The following ATRNL1 variants were observed in gnomAD, a reference collection of about 807,000 sequenced individuals.
ATRNL1 encodes attractin-like protein 1.
A neutral mutation model predicts 182.7 loss-of-function variants in ATRNL1; 95 were observed. The observed-to-expected ratio is 0.52, with a 90% CI of 0.44 to 0.62. ATRNL1 has a LOEUF of 0.62. Among genes scored for constraint, ATRNL1 ranks in the 20% least tolerant of loss-of-function variants. The pLI is 0.00. For missense variants in ATRNL1, 1,471 were observed against 1,679.5 expected (o/e 0.88, Z 2.17); for synonymous variants, 576 against 568.3 (o/e 1.01, Z -0.19).
chr10:115,207,570 G>T, intron 8 of ATRNL1, among the ~76,000 whole-genome samples: 1 of 151,056 alleles, frequency 6.6e-6, no homozygotes, highest in African/African-American at 2.4e-5. Flanking sequence ...GGAAATTTTT[G>T]TTTCACTTTC....
intron 28 of ATRNL1, among the ~76,000 whole-genome samples, chr10:115,919,180 CAA>C (rs1555118098): frequency 6.6e-6 from 1 of 152,074 alleles, no homozygotes; most frequent in Non-Finnish European, 1.5e-5. Context: ...TGTGATTATG[CAA>C]AAGAGGTGTT....
chr10:115,791,013 G>A (rs886372895), intron 27 of ATRNL1, among the ~76,000 whole-genome samples: 8 of 152,240 alleles, frequency 5.3e-5, no homozygotes, highest in Admixed American at 3.3e-4. Flanking sequence ...TCCATCAGTG[G>A]TAATTAGAAT....
intron 20 of ATRNL1, among the ~76,000 whole-genome samples, chr10:115,425,802 A>T (rs1554962768): frequency 6.6e-6 from 1 of 152,056 alleles, no homozygotes; most frequent in Non-Finnish European, 1.5e-5. Context: ...AATTTTTTTA[A>T]CTGGTGTAGA....
chr10:115,203,486 A>G (rs1554892990), intron 8 of ATRNL1, among the ~76,000 whole-genome samples: 1 of 152,024 alleles, frequency 6.6e-6, no homozygotes, highest in East Asian at 1.9e-4. Flanking sequence ...TTCTTGGTAC[A>G]TGATAAAGTA....
rs535040618 is a variant in ATRNL1 at position 115,379,983 on chromosome 10, T to C, written c.3176-14676T>C. 4.6e-5 allele frequency among the ~76,000 whole-genome samples: 7 copies of C among 152,168 alleles called. No homozygotes were observed. In the East Asian group the frequency reaches 7.7e-4, roughly 17 times the overall value. On this transcript the variant is annotated intron_variant, in intron 19 of 28. Transcript: ENST00000355044. ...CTGGGACTACGGGTGCCCACCACCA[T>C]GCCCAGCTAATTTTGTTTTTGTATT...
intron 20 of ATRNL1, among the ~76,000 whole-genome samples, chr10:115,425,205 A>T (rs1845829188): frequency 6.6e-6 from 1 of 151,892 alleles, no homozygotes; most frequent in Non-Finnish European, 1.5e-5. Flanking sequence ...ATATATATGT[A>T]TTCTACTATT....
At chr10:115,598,072 A>G (rs1288952625) in intron 26 of ATRNL1, 1 of 154,594 alleles carries the variant, frequency 6.5e-6, no homozygotes, top group Non-Finnish European at 1.4e-5. Flanking sequence ...TAAGTTAACT[A>G]GAGGTGAATA....
chr10:115,842,831 T>C (rs370558155), intron 27 of ATRNL1, among the ~76,000 whole-genome samples: 55 of 152,140 alleles, frequency 3.6e-4, no homozygotes, highest in African/African-American at 1.3e-3. Flanking sequence ...GAATACAGTC[T>C]GACCGCTCTG....
chr10:115,354,055 G>A (rs1227095294), intron 19 of ATRNL1, among the ~76,000 whole-genome samples: 3 of 152,070 alleles, frequency 2.0e-5, no homozygotes, highest in African/African-American at 2.4e-5. Context: ...TGTCTAACCC[G>A]CAGCTTGTGG....
intron 26 of ATRNL1, among the ~76,000 whole-genome samples, chr10:115,587,682 T>G (rs7094578): frequency 6.6e-6 from 1 of 152,110 alleles, no homozygotes; most frequent in Non-Finnish European, 1.5e-5. Context: ...GAGATGAACC[T>G]GGTACCTCAG....
chr10:115,911,991 C>T (rs1286383045), intron 28 of ATRNL1, among the ~76,000 whole-genome samples: 3 of 152,162 alleles, frequency 2.0e-5, no homozygotes, highest in Non-Finnish European at 4.4e-5. Context: ...CACCACTACA[C>T]CATGCGCTAA....
intron 26 of ATRNL1, among the ~76,000 whole-genome samples, chr10:115,635,675 A>G (rs1000884389): frequency 1.3e-5 from 2 of 152,180 alleles, no homozygotes; most frequent in Non-Finnish European, 1.5e-5. Flanking sequence ...CAAAACCACC[A>G]TACAAGTATG....
intron 21 of ATRNL1, among the ~76,000 whole-genome samples, chr10:115,461,184 A>G (rs10885720): frequency 0.22 from 33,780 of 152,034 alleles, 4,718 homozygotes; most frequent in Non-Finnish European, 0.32. Flanking sequence ...GAAGTAATCT[A>G]TATTTATTTA....
chr10:115,230,205 A>G (rs995413618), intron 9 of ATRNL1, among the ~76,000 whole-genome samples: 1 of 152,226 alleles, frequency 6.6e-6, no homozygotes, highest in South Asian at 2.1e-4. Flanking sequence ...GGAGAGAGGC[A>G]GACAATAAAT....
chr10:115,879,851 G>T (rs539840146), intron 28 of ATRNL1, among the ~76,000 whole-genome samples: 1 of 152,226 alleles, frequency 6.6e-6, no homozygotes, highest in South Asian at 2.1e-4. Flanking sequence ...GGGGAGCCTC[G>T]GAGAGGCTGT....
intron 28 of ATRNL1, among the ~76,000 whole-genome samples, chr10:115,894,963 T>G (rs1952170267): frequency 6.6e-6 from 1 of 152,212 alleles, no homozygotes; most frequent in Non-Finnish European, 1.5e-5. Flanking sequence ...AAGCTGTGTG[T>G]GGTAATTCTA....
At chr10:115,402,376 A>T (rs1427926489) in intron 20 of ATRNL1, among the ~76,000 whole-genome samples, 1 of 152,066 alleles carries the variant, frequency 6.6e-6, no homozygotes, top group Admixed American at 6.6e-5. Flanking sequence ...CTTTCATTCC[A>T]TTCAGTAAAT....
chr10:115,358,778 A>G lies in ATRNL1; in HGVS notation c.3175+24359A>G, dbSNP rs140836529. 2.8e-4 allele frequency among the ~76,000 whole-genome samples: 42 copies of G among 151,606 alleles called. No individual in the cohort carries two copies. The East Asian group carries it at 7.0e-3, about 25-fold the overall frequency. ...GTGGTCTAAACCAGTATGTTCTTAT[A>G]TTTTCTTTGACTCTCACATGCAACT... On this transcript the variant is annotated intron_variant, in intron 19 of 28. Transcript: ENST00000355044.
At chr10:115,909,822 C>T (rs929015197) in intron 28 of ATRNL1, among the ~76,000 whole-genome samples, 1 of 152,100 alleles carries the variant, frequency 6.6e-6, no homozygotes, top group South Asian at 2.1e-4. Flanking sequence ...AACTTTGTAG[C>T]GATCAGTGAT....
Sources: allele counts gnomAD v4.1 joint callset (sites outside exome capture counted in the v4.1 genomes callset), GRCh38; gene constraint gnomAD v4.1.1; transcripts MANE v1.5; gene names NCBI Gene and HGNC (gene_info 2026-07-23, HGNC 2026-07-21).